Variants in MDK observed in about 807,000 individuals in gnomAD.
MDK encodes the protein midkine.
MDK carries 17 observed loss-of-function variants against 18.9 expected under a neutral mutation model. The observed-to-expected ratio is 0.90, with a 90% CI of 0.62 to 1.35. The LOEUF (loss-of-function observed/expected upper bound fraction) is 1.35. Ranked by LOEUF, MDK falls within the 40% of genes most tolerant of loss-of-function variation. MDK has a pLI of 0.00. For missense variants in MDK, 180 were observed against 186.3 expected, an observed-to-expected ratio of 0.97 and a Z score of 0.20; for synonymous variants, 86 against 74.3, an observed-to-expected ratio of 1.16 and a Z score of -0.81.
Position 46,382,594 on chromosome 11 carries a change from C to T in MDK, c.252C>T (p.Cys84=), listed in dbSNP as rs866043166. Residue 84 remains cysteine (C), a synonymous_variant, in exon 4 of 5, where the codon TGC becomes TGT. Coordinates refer to ENST00000395566, the MANE Select transcript of MDK (RefSeq NM_002391.6). Reference sequence around the variant, plus strand: ...GGGCCGCTCTCTCGCCAGCCGACTGCAAGTACAAGTTTGAGAACTGGGGTG... The same window carrying T: ...GGGCCGCTCTCTCGCCAGCCGACTGTAAGTACAAGTTTGAGAACTGGGGTG... ...CNWKKEFGAD[C]KYKFENWGAC... 1.2e-6 allele frequency: 2 copies of T among 1,610,016 alleles called. No individual in the cohort carries two copies. Among genetic ancestry groups the T allele is most frequent in the Non-Finnish European group, 1.7e-6 (2 of 1,178,258 alleles).
chr11:46,382,263 A>T, intron 2 of MDK, 31 bp from the exon 3 acceptor site: 1 of 1,602,642 alleles, frequency 6.2e-7, no homozygotes, highest in Non-Finnish European at 8.5e-7. Context: ...CCCGTGCCCC[A>T]GTCCTGAACT....
rs531296454 is a variant in MDK, at chr11:46,382,088, C to T, written c.31C>T (p.Leu11Phe). Reference protein sequence around the residue: MQHRGFLLLTLLALLALTSAV... With the variant: MQHRGFLLLTFLALLALTSAV... The stretch of plus-strand genomic sequence containing the variant: ...GCACCGAGGCTTCCTCCTCCTCACC[C>T]TCCTCGCCCTGCTGGCGCTCACCTC... The change falls in exon 2 of 5, where the codon CTC becomes TTC. Residue 11 changes from leucine to phenylalanine, a missense_variant. By Grantham distance (22) the Leu-to-Phe change is conservative. Transcript: ENST00000395566. 6 of 1,610,546 alleles carry T rather than the reference C, an allele frequency of 3.7e-6. No homozygotes were observed. The South Asian group carries it at 5.5e-5, about 15-fold the overall frequency.
rs781426543 is a variant in MDK at position 46,383,690 on chromosome 11, T to A, written c.*196T>A. 47 of 691,890 alleles carry A rather than the reference T, an allele frequency of 6.8e-5. No individual in the cohort carries two copies. The African/African-American group carries it at 7.3e-4, about 11-fold the overall frequency. The allele number at this position is 691,890 out of a possible 1,614,324, so 42.9% of individuals were successfully genotyped here. On this transcript the variant is annotated 3_prime_UTR_variant, in exon 5 of 5. Coordinates refer to ENST00000395566, the MANE Select transcript of MDK (RefSeq NM_002391.6). ...CAAAGTGGGGAGGGACAAGGGATTC[T>A]GGGAAGCTTGAGCCTCCCCCAAAGC...
At chr11:46,382,942 G>T in intron 4 of MDK, 194 bp downstream of exon 4, 1 of 660,570 alleles carries the variant, frequency 1.5e-6, no homozygotes, top group Non-Finnish European at 2.6e-6. Flanking sequence ...AGGTGATGCT[G>T]GGGACATAAA....
In MDK at chr11:46,382,322, C is replaced by A. The variant is rs1285763389; in HGVS notation, c.105C>A (p.Ser35Arg). The A allele has an allele frequency of 1.5e-5, 24 of 1,607,900 alleles. No homozygotes were observed. The East Asian group carries it at 5.4e-4, about 36-fold the overall frequency. Reference protein sequence around the residue: ...KDKVKKGGPGSECAEWAWGPC... With the variant: ...KDKVKKGGPGRECAEWAWGPC... ...AGGTGAAGAAGGGCGGCCCGGGGAG[C>A]GAGTGCGCTGAGTGGGCCTGGGGGC... is the stretch of plus-strand genomic sequence containing the variant. The change falls in exon 3 of 5, where the codon AGC (serine) becomes AGA (arginine). Residue 35 changes from serine to arginine, a missense_variant. Coordinates refer to ENST00000395566, the MANE Select transcript of MDK (RefSeq NM_002391.6).
In MDK at chr11:46,383,579, C is replaced by A. The variant is rs1324282169; in HGVS notation, c.*85C>A. The A allele has an allele frequency of 8.3e-7, 1 of 1,200,378 alleles. No homozygotes were observed. Among genetic ancestry groups the A allele is most frequent in the Non-Finnish European group, 1.2e-6 (1 of 806,880 alleles). The allele number at this position is 1,200,378 out of a possible 1,614,324, so 74.4% of individuals were successfully genotyped here. A position where few individuals can be genotyped will look rare whatever the true frequency, so the allele number is the denominator to read the frequency against. On this transcript the variant is annotated 3_prime_UTR_variant, in exon 5 of 5. Transcript: ENST00000395566. ...CCTCTCCCAGGCCCGAGATGTGACC[C>A]ACCAGTGCCTTCTGTCTGCTCGTTA...
rs1004989965 is a variant in MDK, at chr11:46,382,346, G to T, written c.129G>T (p.Gly43=). 2.5e-6 allele frequency: 4 copies of T among 1,602,338 alleles called. No individual in the cohort carries two copies. The highest frequency in any genetic ancestry group is 3.4e-6 in the Non-Finnish European group (4 of 1,175,942). Residue 43 remains glycine, a synonymous_variant, in exon 3 of 5, where the codon GGG becomes GGT. Coordinates refer to ENST00000395566, the MANE Select transcript of MDK (RefSeq NM_002391.6). ...GCGAGTGCGCTGAGTGGGCCTGGGG[G>T]CCCTGCACCCCCAGCAGCAAGGATT... is the stretch of plus-strand genomic sequence containing the variant. ...PGSECAEWAW[G]PCTPSSKDCG...
intron 4 of MDK, 42 bp downstream of exon 4, chr11:46,382,790 G>GGGGGGGGGGGGCGC: frequency 3.0e-6 from 3 of 985,982 alleles, no homozygotes; most frequent in Non-Finnish European, 4.0e-6. Flanking sequence ...GCGGGGGGCT[G>GGGGGGGGGGGGCGC]CCCCCCCCCC....
In MDK at chr11:46,381,902, G is replaced by A. The variant is rs957117102; in HGVS notation, c.-2+144G>A. 1.2e-5 allele frequency: 9 copies of A among 746,724 alleles called. No homozygotes were observed. In the South Asian group the frequency reaches 1.4e-4, roughly 12 times the overall value. 46.3% of individuals were successfully genotyped at this position (746,724 alleles called of 1,614,324 possible). On this transcript the variant is annotated intron_variant, in intron 1 of 4. Coordinates refer to ENST00000395566, the MANE Select transcript of MDK (RefSeq NM_002391.6). Reference sequence around the variant, plus strand: ...CTCTTAGCGGTGCGTCCGGGCTAGCGGCGAGGGGCCGCCCCAAGTCTTCCC... The same window carrying A: ...CTCTTAGCGGTGCGTCCGGGCTAGCAGCGAGGGGCCGCCCCAAGTCTTCCC...
upstream of MDK, chr11:46,380,795 AAG>A (rs1945135624): frequency 6.6e-6 from 1 of 151,866 alleles, no homozygotes; most frequent in Non-Finnish European, 1.5e-5. Context: ...ATGAAAGTGA[AAG>A]AGGGGTGGGG....
At position 46,382,632 on chromosome 11, in the gene MDK, G is replaced by C; in HGVS notation, c.290G>C (p.Gly97Ala). 3 of 1,612,684 alleles carry C rather than the reference G, an allele frequency of 1.9e-6. No individual in the cohort carries two copies. The highest frequency in any genetic ancestry group is 2.5e-6 in the Non-Finnish European group (3 of 1,179,762). ...KFENWGACDG[G>A]TGTKVRQGTL... ...GAGAACTGGGGTGCGTGTGATGGGGGCACAGGCACCAAAGTCCGCCAAGGC... is the reference window on the plus strand; with the variant it reads ...GAGAACTGGGGTGCGTGTGATGGGGCCACAGGCACCAAAGTCCGCCAAGGC... The change falls in exon 4 of 5, where the codon GGC (glycine) becomes GCC (alanine). Residue 97 changes from glycine to alanine, a missense_variant. Gly to Ala is a moderately conservative substitution (Grantham distance 60). Coordinates refer to ENST00000395566, the MANE Select transcript of MDK (RefSeq NM_002391.6).
rs1364747471 is a variant in MDK, at chr11:46,382,701, T to C, written c.359T>C (p.Ile120Thr). The C allele has an allele frequency of 1.2e-6, 2 of 1,600,778 alleles. No homozygotes were observed. The highest frequency in any genetic ancestry group is 3.5e-5 in the Admixed American group (2 of 57,760). Residue 120 changes from isoleucine to threonine, a missense_variant, in exon 4 of 5, where the codon ATC (isoleucine) becomes ACC (threonine). Ile to Thr is a moderately conservative substitution (Grantham distance 89, BLOSUM62 -1). Coordinates refer to ENST00000395566, the MANE Select transcript of MDK (RefSeq NM_002391.6). ...TACAATGCTCAGTGCCAGGAGACCA[T>C]CCGCGTCACCAAGCCCTGCACCCCC... Reference protein sequence around the residue: ...ARYNAQCQETIRVTKPCTPKT... With the variant: ...ARYNAQCQETTRVTKPCTPKT...
At chr11:46,382,787 G>GGGGGGC in intron 4 of MDK, 39 bp downstream of exon 4, 25 of 1,498,382 alleles carry the variant, frequency 1.7e-5, no homozygotes, top group Non-Finnish European at 2.1e-5. Flanking sequence ...GTCGCGGGGG[G>GGGGGGC]CTGCCCCCCC....
intron 4 of MDK, 39 bp downstream of exon 4, chr11:46,382,787 G>GGGGGGGGGGGGGC (rs2136542300): frequency 1.0e-5 from 15 of 1,498,448 alleles, no homozygotes; most frequent in East Asian, 5.2e-5. Context: ...GTCGCGGGGG[G>GGGGGGGGGGGGGC]CTGCCCCCCC....
intron 1 of MDK, 111 bp downstream of exon 1, chr11:46,381,869 G>A: frequency 3.4e-6 from 2 of 595,910 alleles, no homozygotes; most frequent in Non-Finnish European, 5.8e-6. Flanking sequence ...CGTCCCCCGG[G>A]GAGTCGCCTC....
chr11:46,382,751 C>T lies in MDK; in HGVS notation c.406+3C>T. On this transcript the variant is annotated splice_donor_region_variant and intron_variant, in intron 4 of 4. Transcript: ENST00000395566. ...CAAGACCAAAGCAAAGGCCAAAGGT[C>T]AGCGAAAGGAGAAGGGGGTGGGGCT... 1 of 1,588,060 alleles carries T rather than the reference C, an allele frequency of 6.3e-7. No homozygotes were observed. The highest frequency in any genetic ancestry group is 8.6e-7 in the Non-Finnish European group (1 of 1,169,342).
In MDK at chr11:46,382,353, A is replaced by G; in HGVS notation, c.136A>G (p.Thr46Ala). ...CGCTGAGTGGGCCTGGGGGCCCTGC[A>G]CCCCCAGCAGCAAGGATTGCGGCGT... ...ECAEWAWGPC[T>A]PSSKDCGVGF... Residue 46 changes from threonine (T) to alanine (A), a missense_variant, in exon 3 of 5, where the codon ACC (threonine) becomes GCC (alanine). Thr to Ala is a moderately conservative substitution (Grantham distance 58, BLOSUM62 0). Coordinates refer to ENST00000395566, the MANE Select transcript of MDK (RefSeq NM_002391.6). 1 of 1,599,476 alleles carries G rather than the reference A, an allele frequency of 6.3e-7. No individual in the cohort carries two copies. Among genetic ancestry groups the G allele is most frequent in the South Asian group, 1.1e-5 (1 of 89,396 alleles).
rs765998798 is a variant in MDK at position 46,382,330 on chromosome 11, C to T, written c.113C>T (p.Ala38Val). ...VKKGGPGSEC[A>V]EWAWGPCTPS... ...AAGGGCGGCCCGGGGAGCGAGTGCG[C>T]TGAGTGGGCCTGGGGGCCCTGCACC... Residue 38 changes from alanine to valine, a missense_variant, in exon 3 of 5, where the codon GCT becomes GTT. Coordinates refer to ENST00000395566, the MANE Select transcript of MDK (RefSeq NM_002391.6). The T allele has an allele frequency of 3.1e-6, 5 of 1,606,602 alleles. No homozygotes were observed. In the Admixed American group the frequency reaches 8.5e-5, roughly 27 times the overall value.
chr11:46,382,057 G>A lies in MDK; in HGVS notation c.-1G>A, dbSNP rs774780414. On this transcript the variant is annotated splice_region_variant and 5_prime_UTR_variant, in exon 2 of 5. Transcript: ENST00000395566. The stretch of plus-strand genomic sequence containing the variant: ...ATTCAGACTCGGGCTCTCCCCTCAG[G>A]ATGCAGCACCGAGGCTTCCTCCTCC... The A allele has an allele frequency of 2.5e-5, 40 of 1,606,156 alleles. No individual in the cohort carries two copies. The highest frequency in any genetic ancestry group is 3.2e-5 in the Non-Finnish European group (38 of 1,177,202).
Sources: allele counts gnomAD v4.1 joint callset, GRCh38; gene constraint gnomAD v4.1.1; transcripts MANE v1.5; gene names NCBI Gene and HGNC (gene_info 2026-07-23, HGNC 2026-07-21).